SOX6: variants seen among roughly 807,000 people sequenced by gnomAD.
The protein encoded by SOX6 is transcription factor SOX-6.
In SOX6, 11 loss-of-function variants were observed where a neutral mutation model predicts 97.8. The observed-to-expected ratio is 0.11, with a 90% CI of 0.07 to 0.19. SOX6 has a LOEUF of 0.19. Among genes scored for constraint, SOX6 ranks in the 10% least tolerant of loss-of-function variants. The pLI, the probability that SOX6 is intolerant of heterozygous loss-of-function variation, is 1.00. For missense variants in SOX6, 810 were observed against 1,039.5 expected (o/e 0.78, Z 3.04); for synonymous variants, 360 against 371.4 (o/e 0.97, Z 0.35).
At chr11:16,720,341 C>T (rs1848250764) in intron 2 of SOX6, among the ~76,000 whole-genome samples, 2 of 141,190 alleles carry the variant, frequency 1.4e-5, no homozygotes, top group Non-Finnish European at 3.1e-5. Context: ...GGCACATATA[C>T]ACCATGGAAT....
intron 7 of SOX6, among the ~76,000 whole-genome samples, chr11:16,098,617 T>C (rs573288107): frequency 6.6e-6 from 1 of 151,992 alleles, no homozygotes; most frequent in East Asian, 1.9e-4. Flanking sequence ...GTGGATAAAT[T>C]TCACAATATC....
At chr11:16,292,331 T>C (rs1854941614) in intron 3 of SOX6, among the ~76,000 whole-genome samples, 1 of 152,092 alleles carries the variant, frequency 6.6e-6, no homozygotes, top group South Asian at 2.1e-4. Flanking sequence ...AACCTTTTTA[T>C]GGAAAGGGGA....
rs1173709468 is a variant in SOX6, at chr11:16,039,466, A to G, written c.1623+7048T>C. 6.6e-5 allele frequency among the ~76,000 whole-genome samples: 10 copies of G among 152,076 alleles called. No homozygotes were observed. The East Asian group carries it at 1.9e-3, about 29-fold the overall frequency. ...TTCAAAGTATCACCTTGGTAATCTC[A>G]AAGACCCTTTTAGAGGGTCCACTAG... On this transcript the variant is annotated intron_variant, in intron 12 of 15. Transcript: ENST00000683767.
intron 12 of SOX6, among the ~76,000 whole-genome samples, chr11:16,041,041 A>T (rs1182717858): frequency 6.6e-6 from 1 of 152,108 alleles, no homozygotes; most frequent in East Asian, 1.9e-4. Context: ...CATTCTTCAT[A>T]GTACAAGTTG....
intron 4 of SOX6, among the ~76,000 whole-genome samples, chr11:16,523,297 G>A (rs990273491): frequency 6.6e-6 from 1 of 152,118 alleles, no homozygotes; most frequent in Non-Finnish European, 1.5e-5. Context: ...AGATCACAGT[G>A]CAATCAAACT....
At chr11:16,455,479 C>G (rs1859795167) in intron 1 of SOX6, among the ~76,000 whole-genome samples, 2 of 152,010 alleles carry the variant, frequency 1.3e-5, no homozygotes, top group African/African-American at 4.8e-5. Context: ...GAAAATCTGA[C>G]AGCAAAGTGG....
chr11:16,112,928 A>C (rs1590204234), intron 6 of SOX6, among the ~76,000 whole-genome samples: 2 of 152,172 alleles, frequency 1.3e-5, no homozygotes, highest in East Asian at 3.9e-4. Context: ...AATTATCTTT[A>C]AGTTCAAACA....
chr11:15,991,345 T>G (rs1342297805), intron 13 of SOX6, among the ~76,000 whole-genome samples: 1 of 152,170 alleles, frequency 6.6e-6, no homozygotes, highest in Non-Finnish European at 1.5e-5. Context: ...GCTGACAATA[T>G]CCATCAACAC....
intron 6 of SOX6, among the ~76,000 whole-genome samples, chr11:16,163,409 C>A (rs1850804906): frequency 6.6e-6 from 1 of 152,016 alleles, no homozygotes; most frequent in African/African-American, 2.4e-5. Flanking sequence ...AAAGGGATAA[C>A]AAAATTATAT....
chr11:16,531,720 A>G (rs555579150), intron 4 of SOX6, among the ~76,000 whole-genome samples: 1 of 152,052 alleles, frequency 6.6e-6, no homozygotes. Flanking sequence ...AAAGTCTTAC[A>G]TTATGTGTAG....
chr11:16,341,045 G>T lies in SOX6; in HGVS notation c.204C>A (p.Asp68Glu). ...GCTGAGATGACAGAACGCTGTCCCA[G>T]TCAGCATCTTGTTGAATGGTACTGA... ...TLVSTIQQDA[D>E]WDSVLSSQQR... The change falls in exon 2 of 16, where the codon GAC becomes GAA. Residue 68 changes from aspartate (D) to glutamate (E), a missense_variant. Around this residue, in one of 9 missense-constraint regions of SOX6, gnomAD observed 100 missense variants for 94.6 expected, o/e 1.06. Transcript: ENST00000683767. 1.9e-6 allele frequency: 3 copies of T among 1,613,432 alleles called. No homozygotes were observed. Among genetic ancestry groups the T allele is most frequent in the Non-Finnish European group, 2.5e-6 (3 of 1,179,516 alleles).
chr11:16,280,465 T>A (rs1854522435), intron 3 of SOX6, among the ~76,000 whole-genome samples: 1 of 151,916 alleles, frequency 6.6e-6, no homozygotes, highest in African/African-American at 2.4e-5. Flanking sequence ...CCATTCATCA[T>A]AATATAATTG....
Position 16,248,452 on chromosome 11 carries a change from C to T in SOX6, c.446-13781G>A, listed in dbSNP as rs544060517. On this transcript the variant is annotated intron_variant, in intron 3 of 15. Coordinates refer to ENST00000683767, the MANE Select transcript of SOX6 (RefSeq NM_001367873.1). ...CCTCTGCAGCAAACTTCTACCTGGA[C>T]ATCCTGGTGTTTCCATACATCCTCT... 5.3e-5 allele frequency among the ~76,000 whole-genome samples: 8 copies of T among 152,338 alleles called. No homozygotes were observed. The East Asian group carries it at 1.5e-3, about 29-fold the overall frequency.
intron 1 of SOX6, among the ~76,000 whole-genome samples, chr11:16,438,232 CAAGTA>C (rs1859425492): frequency 6.6e-6 from 1 of 151,896 alleles, no homozygotes; most frequent in Non-Finnish European, 1.5e-5. Context: ...TGCTTTGATT[CAAGTA>C]AAGAGTATAT....
chr11:16,325,953 A>G (rs1173793717), intron 2 of SOX6, among the ~76,000 whole-genome samples: 1 of 152,178 alleles, frequency 6.6e-6, no homozygotes, highest in Admixed American at 6.6e-5. Context: ...TCTTGGAAGC[A>G]GAGACTGGGC....
intron 4 of SOX6, among the ~76,000 whole-genome samples, chr11:16,202,278 A>T (rs1169409054): frequency 6.6e-6 from 1 of 152,206 alleles, no homozygotes; most frequent in Admixed American, 6.5e-5. Flanking sequence ...CCATGTTATT[A>T]ATATACACAT....
intron 3 of SOX6, chr11:16,315,414 T>C (rs1010076940): frequency 6.6e-6 from 1 of 152,110 alleles, no homozygotes; most frequent in African/African-American, 2.4e-5. Flanking sequence ...ATAATCACAA[T>C]ACTATGTAGT....
chr11:16,721,480 G>A (rs1159349858), intron 2 of SOX6, among the ~76,000 whole-genome samples: 1 of 146,134 alleles, frequency 6.8e-6, no homozygotes, highest in African/African-American at 2.5e-5. Context: ...CAGTGTCACT[G>A]CAATGGGTGG....
intron 1 of SOX6, among the ~76,000 whole-genome samples, chr11:16,418,744 A>T (rs1395093691): frequency 1.3e-5 from 2 of 152,188 alleles, no homozygotes; most frequent in African/African-American, 4.8e-5. Context: ...GCAGGCTTCA[A>T]ACAGTTAAGC....
Sources: allele counts gnomAD v4.1 joint callset (sites outside exome capture counted in the v4.1 genomes callset), GRCh38; gene constraint gnomAD v4.1.1; regional missense constraint gnomAD v4.1.1; transcripts MANE v1.5; gene names NCBI Gene and HGNC (gene_info 2026-07-23, HGNC 2026-07-21).